Variants in DPP6 observed in about 807,000 individuals in gnomAD.
The protein encoded by DPP6 is dipeptidyl peptidase like 6, also known as A-type potassium channel modulatory protein DPP6.
Under a neutral mutation model 122.6 loss-of-function variants are expected in DPP6, and 69 were observed. The ratio of observed to expected loss-of-function variants is 0.56; its 90% CI spans 0.46 to 0.69. DPP6 has a LOEUF of 0.69. DPP6 is among the 30% of genes least tolerant of loss of function. DPP6 has a pLI of 0.00. For synonymous variants in DPP6, 418 were observed against 433.1 expected, an observed-to-expected ratio of 0.97 and a Z score of 0.43; for missense variants, 928 against 1,116.9, an observed-to-expected ratio of 0.83 and a Z score of 2.41.
chr7:153,989,018 GC>G (rs1239875709), intron 1 of DPP6, among the ~76,000 whole-genome samples: 1 of 150,446 alleles, frequency 6.6e-6, no homozygotes, highest in East Asian at 2.0e-4. Flanking sequence ...GATTTCATGA[GC>G]TTTTCCCTGG....
At chr7:153,873,669 T>C in the DPP6 span, among the ~76,000 whole-genome samples, 1 of 152,184 alleles carries the variant, frequency 6.6e-6, no homozygotes, top group East Asian at 1.9e-4. Context: ...GTCATTAACC[T>C]GGTAAAGCAG....
rs943096569 is a variant in DPP6, at chr7:154,607,725, T to C, written c.628-30096T>C. 2.5e-5 allele frequency among the ~76,000 whole-genome samples: 3 copies of C among 118,726 alleles called. 1 individual carries two copies. In the East Asian group the frequency reaches 1.1e-3, roughly 43 times the overall value. 77.9% of individuals were successfully genotyped at this position (118,726 alleles called of 152,430 possible). A position where few individuals can be genotyped will look rare whatever the true frequency, so the allele number is the denominator to read the frequency against. On this transcript the variant is annotated intron_variant, in intron 5 of 25. Coordinates refer to ENST00000377770, the MANE Select transcript of DPP6 (RefSeq NM_130797.4). ...TAAATGTATTTTCTTTTCCTTATGATGTTTATAACATTTTCTTTTCTCTAG... is the reference window on the plus strand; with the variant it reads ...TAAATGTATTTTCTTTTCCTTATGACGTTTATAACATTTTCTTTTCTCTAG...
rs149579405 is a variant in DPP6 at position 154,769,988 on chromosome 7, C to T, written c.1038+417C>T. On this transcript the variant is annotated intron_variant, in intron 9 of 25. Coordinates refer to ENST00000377770, the MANE Select transcript of DPP6 (RefSeq NM_130797.4). Reference sequence around the variant, plus strand: ...GCTGTTTTGTTCATGGTCACTGCTACGGGCTAAATGTTTGTGTCCTTGCCA... The same window carrying T: ...GCTGTTTTGTTCATGGTCACTGCTATGGGCTAAATGTTTGTGTCCTTGCCA... Among the ~76,000 whole-genome samples the T allele has an allele frequency of 6.9e-3, 1,056 of 152,254 alleles. 8 individuals carry two copies. Among genetic ancestry groups the T allele is most frequent in the African/African-American group, 0.023 (965 of 41,556 alleles).
At chr7:154,878,226 C>T (rs1295342150) in intron 20 of DPP6, among the ~76,000 whole-genome samples, 1 of 152,238 alleles carries the variant, frequency 6.6e-6, no homozygotes, top group Non-Finnish European at 1.5e-5. Context: ...CTCTGCCTGG[C>T]ATCTTCCCCA....
chr7:153,904,503 G>T (rs895040474), intron 1 of DPP6, among the ~76,000 whole-genome samples: 3 of 152,190 alleles, frequency 2.0e-5, no homozygotes, highest in African/African-American at 7.2e-5. Flanking sequence ...AAAGGCTTGA[G>T]GGGGAGGGCA....
intron 1 of DPP6, among the ~76,000 whole-genome samples, chr7:154,433,980 A>G (rs1818659851): frequency 1.3e-5 from 2 of 152,256 alleles, no homozygotes; most frequent in South Asian, 2.1e-4. Flanking sequence ...CTCAGGTCTC[A>G]GTCTATCTTA....
intron 4 of DPP6, among the ~76,000 whole-genome samples, chr7:154,555,529 A>G (rs2130422944): frequency 6.6e-6 from 1 of 152,232 alleles, no homozygotes; most frequent in Admixed American, 6.5e-5. Context: ...TGACGAGTTA[A>G]TGGGTGCAGC....
chr7:154,578,761 C>T (rs919694147), intron 5 of DPP6, among the ~76,000 whole-genome samples: 5 of 151,894 alleles, frequency 3.3e-5, no homozygotes, highest in Non-Finnish European at 5.9e-5. Flanking sequence ...TGTGCCTGTC[C>T]GTGAGGGTAG....
the DPP6 span, among the ~76,000 whole-genome samples, chr7:153,861,858 C>G: frequency 1.8e-4 from 27 of 152,252 alleles, no homozygotes; most frequent in South Asian, 2.7e-3. Context: ...GATGGAGTAA[C>G]CCAAACGGCA....
intron 5 of DPP6, among the ~76,000 whole-genome samples, chr7:154,630,900 A>G (rs1431966095): frequency 6.6e-6 from 1 of 152,188 alleles, no homozygotes; most frequent in Non-Finnish European, 1.5e-5. Context: ...ATGTATACCT[A>G]TGTAACAAAC....
intron 1 of DPP6, among the ~76,000 whole-genome samples, chr7:154,333,917 T>A (rs1208859177): frequency 6.6e-6 from 1 of 152,222 alleles, no homozygotes; most frequent in Non-Finnish European, 1.5e-5. Context: ...AGTAACCCAA[T>A]CCAAATTACT....
intron 1 of DPP6, among the ~76,000 whole-genome samples, chr7:153,898,103 G>A (rs1040669316): frequency 6.6e-6 from 1 of 152,188 alleles, no homozygotes; most frequent in African/African-American, 2.4e-5. Flanking sequence ...AAGTTCTCAT[G>A]TTCAATAGCA....
chr7:153,773,680 C>A, the DPP6 span, among the ~76,000 whole-genome samples: 2,645 of 151,096 alleles, frequency 0.018, 32 homozygotes, highest in South Asian at 0.042. Context: ...TAAACTATAT[C>A]AGAATTTGTG....
intron 8 of DPP6, among the ~76,000 whole-genome samples, chr7:154,752,326 A>C (rs1843436226): frequency 6.6e-6 from 1 of 152,220 alleles, no homozygotes; most frequent in African/African-American, 2.4e-5. Context: ...TTGTCCTTGC[A>C]GGCATCACCA....
chr7:154,826,990 T>G (rs1313215126), intron 16 of DPP6, among the ~76,000 whole-genome samples: 1 of 152,046 alleles, frequency 6.6e-6, no homozygotes, highest in Non-Finnish European at 1.5e-5. Flanking sequence ...TGAGACAACA[T>G]GAACATGAAT....
intron 13 of DPP6, among the ~76,000 whole-genome samples, chr7:154,803,112 A>G (rs930572649): frequency 4.0e-5 from 6 of 151,146 alleles, no homozygotes; most frequent in Admixed American, 3.9e-4. Flanking sequence ...CCCAACCCCC[A>G]TGTTCGAGTC....
intron 1 of DPP6, among the ~76,000 whole-genome samples, chr7:154,376,170 G>C (rs1813113502): frequency 6.6e-6 from 1 of 152,228 alleles, no homozygotes; most frequent in Non-Finnish European, 1.5e-5. Context: ...GCCATGTGGA[G>C]ATTCCCATGT....
At chr7:153,849,482 A>G in the DPP6 span, among the ~76,000 whole-genome samples, 37 of 152,244 alleles carry the variant, frequency 2.4e-4, no homozygotes, top group African/African-American at 7.9e-4. Context: ...ATAAAACCCT[A>G]GGTAATTCTC....
At chr7:154,007,507 C>T (rs1202962967) in intron 1 of DPP6, among the ~76,000 whole-genome samples, 1 of 152,100 alleles carries the variant, frequency 6.6e-6, no homozygotes, top group Non-Finnish European at 1.5e-5. Context: ...CCTCTAATTG[C>T]TTCTCTTGTT....
Sources: gnomAD v4.1 joint callset for allele counts (sites outside exome capture counted in the v4.1 genomes callset) on GRCh38, gnomAD v4.1.1 for gene constraint, MANE v1.5 for transcripts, NCBI Gene and HGNC (gene_info 2026-07-23, HGNC 2026-07-21) for gene names.